The following MTUS2 variants were observed in gnomAD, a reference collection of about 807,000 sequenced individuals.
MTUS2 encodes microtubule-associated tumor suppressor candidate 2.
In MTUS2, 40 loss-of-function variants were observed where a neutral mutation model predicts 114.1. The observed-to-expected ratio is 0.35, with a 90% CI of 0.27 to 0.46. The LOEUF is 0.46. Among genes scored for constraint, MTUS2 ranks in the 20% least tolerant of loss-of-function variants. The pLI is 1.00. For missense variants in MTUS2, 1,679 were observed against 1,705.4 expected, an observed-to-expected ratio of 0.98 and a Z score of 0.27; for synonymous variants, 688 against 672.0, an observed-to-expected ratio of 1.02 and a Z score of -0.37.
At chr13:29,492,784 C>A in intron 12 of MTUS2, 65 bp downstream of exon 12, 2 of 1,276,600 alleles carry the variant, frequency 1.6e-6, no homozygotes, top group Non-Finnish European at 2.3e-6. Flanking sequence ...TTCCCACCCA[C>A]AAACATTCAT....
At chr13:29,399,537 A>G (rs1340513361) in intron 8 of MTUS2, among the ~76,000 whole-genome samples, 1 of 152,252 alleles carries the variant, frequency 6.6e-6, no homozygotes, top group East Asian at 1.9e-4. Flanking sequence ...ACTTGGAAAT[A>G]GAACTGAAAT....
chr13:28,965,288 C>G (rs1377891618), intron 2 of MTUS2, among the ~76,000 whole-genome samples: 1 of 152,132 alleles, frequency 6.6e-6, no homozygotes, highest in Non-Finnish European at 1.5e-5. Context: ...AACAAGTGGC[C>G]TCTAAGTCAC....
At chr13:28,907,112 A>G (rs535901965) in intron 2 of MTUS2, among the ~76,000 whole-genome samples, 1 of 149,774 alleles carries the variant, frequency 6.7e-6, no homozygotes, top group African/African-American at 2.4e-5. Context: ...ATTCTTAAAG[A>G]AAAGAATTTT....
intron 2 of MTUS2, among the ~76,000 whole-genome samples, chr13:28,879,144 T>G (rs1878134855): frequency 6.6e-6 from 1 of 152,188 alleles, no homozygotes; most frequent in African/African-American, 2.4e-5. Flanking sequence ...AGTGTCTGTT[T>G]GTGTCCTTTG....
In MTUS2 at chr13:29,371,992, A is replaced by AGTG. The variant is rs1871235464; in HGVS notation, c.3117+12519_3117+12520insGTG. Among the ~76,000 whole-genome samples, 2 of 27,166 alleles carry AGTG rather than the reference A, an allele frequency of 7.4e-5. 1 individual carries two copies. The highest frequency in any genetic ancestry group is 1.5e-4 in the Non-Finnish European group (2 of 13,368). 17.8% of individuals were successfully genotyped at this position (27,166 alleles called of 152,430 possible). ...TCAACCCCCGCCCCCCCCCCCACACACACACACAAGCACAAAAGGTAACTG... is the reference window on the plus strand; with the variant it reads ...TCAACCCCCGCCCCCCCCCCCACACAGTGCACACACAAGCACAAAAGGTAACTG... On this transcript the variant is annotated intron_variant, in intron 8 of 15. Coordinates refer to ENST00000612955, the MANE Select transcript of MTUS2 (RefSeq NM_001033602.4).
At chr13:29,061,542 G>A (rs1888419083) in intron 4 of MTUS2, among the ~76,000 whole-genome samples, 1 of 152,070 alleles carries the variant, frequency 6.6e-6, no homozygotes, top group Non-Finnish European at 1.5e-5. Flanking sequence ...ATATTTTGTG[G>A]GCATGTCTCC....
At chr13:29,253,067 T>C (rs1897177917) in intron 5 of MTUS2, among the ~76,000 whole-genome samples, 1 of 143,652 alleles carries the variant, frequency 7.0e-6, no homozygotes, top group Non-Finnish European at 1.5e-5. Flanking sequence ...TCTGTCATTT[T>C]ACATTTTTGG....
chr13:29,236,153 A>G lies in MTUS2; in HGVS notation c.2645-45551A>G, dbSNP rs143351472. ...CTCCTCTAATTTATTGTTATTTTTTATCTTTAAATCCATCTTTTGGCTTGT... is the reference window on the plus strand; with the variant it reads ...CTCCTCTAATTTATTGTTATTTTTTGTCTTTAAATCCATCTTTTGGCTTGT... On this transcript the variant is annotated intron_variant, in intron 5 of 15. Transcript: ENST00000612955. Among the ~76,000 whole-genome samples, 175 of 152,076 alleles carry G rather than the reference A, an allele frequency of 1.2e-3. 2 individuals carry two copies. In the East Asian group the frequency reaches 0.033, roughly 29 times the overall value.
chr13:29,440,034 A>C lies in MTUS2; in HGVS notation c.3169A>C (p.Ile1057Leu). 2 of 1,586,276 alleles carry C rather than the reference A, an allele frequency of 1.3e-6. No homozygotes were observed. The highest frequency in any genetic ancestry group is 1.8e-5 in the Admixed American group (1 of 56,116). ...EKELSIELAN[I>L]RDEVAFHTAK... ...AGAGCTGTCAATCGAACTTGCAAAC[A>C]TCAGGGATGAAGTTGGTAAGTAGGG... The change falls in exon 9 of 16, where the codon ATC (isoleucine) becomes CTC (leucine). Residue 1057 changes from isoleucine to leucine, a missense_variant. Transcript: ENST00000612955.
At chr13:29,046,089 G>A (rs1887602544) in intron 4 of MTUS2, among the ~76,000 whole-genome samples, 1 of 150,228 alleles carries the variant, frequency 6.7e-6, no homozygotes, top group Non-Finnish European at 1.5e-5. Context: ...TACTACAAAG[G>A]CCACTACTGA....
At chr13:29,273,186 A>T (rs998753668) in intron 5 of MTUS2, among the ~76,000 whole-genome samples, 3 of 152,160 alleles carry the variant, frequency 2.0e-5, no homozygotes, top group African/African-American at 7.2e-5. Flanking sequence ...TCAGACTTAC[A>T]CCTGATTCTG....
intron 4 of MTUS2, among the ~76,000 whole-genome samples, chr13:29,067,289 C>G (rs557473134): frequency 2.0e-5 from 3 of 152,136 alleles, no homozygotes; most frequent in Non-Finnish European, 4.4e-5. Context: ...GGAAACTTTC[C>G]ATCCATATTG....
rs989458826 is a variant in MTUS2 at position 28,820,479 on chromosome 13, G to C, written c.-448G>C. The C allele has an allele frequency of 6.6e-6, 1 of 152,370 alleles. No individual in the cohort carries two copies. The highest frequency in any genetic ancestry group is 1.5e-5 in the Non-Finnish European group (1 of 68,158). 9.4% of individuals were successfully genotyped at this position (152,370 alleles called of 1,614,324 possible). ...TGACCGCTTAGCGGAGTACAGACCT[G>C]TCGGTAAATAGAAAACTCGAGCTGG... On this transcript the variant is annotated 5_prime_UTR_variant, in exon 1 of 16. Transcript: ENST00000612955.
intron 2 of MTUS2, among the ~76,000 whole-genome samples, chr13:28,918,395 A>G (rs1302828147): frequency 6.6e-6 from 1 of 151,974 alleles, no homozygotes; most frequent in Non-Finnish European, 1.5e-5. Flanking sequence ...ACTCTTGCTG[A>G]ATTGACCACC....
At chr13:29,081,700 A>G (rs1025552939) in intron 4 of MTUS2, among the ~76,000 whole-genome samples, 9 of 151,864 alleles carry the variant, frequency 5.9e-5, no homozygotes, top group African/African-American at 2.2e-4. Context: ...ATGTGTAGAG[A>G]TATGTGTGAC....
Position 29,161,427 on chromosome 13 carries a change from CAT to C in MTUS2, c.2644+60462_2644+60463del, listed in dbSNP as rs981211733. ...AATTATATAATGCATAATTATATAA[CAT>C]ATATTATTATAATATATAGTATACG... On this transcript the variant is annotated intron_variant, in intron 5 of 15. Coordinates refer to ENST00000612955, the MANE Select transcript of MTUS2 (RefSeq NM_001033602.4). Among the ~76,000 whole-genome samples, 346 of 151,038 alleles carry C rather than the reference CAT, an allele frequency of 2.3e-3. 3 individuals are homozygous for C. Among genetic ancestry groups the C allele is most frequent in the Non-Finnish European group, 3.1e-3 (211 of 67,768 alleles).
chr13:29,101,022 G>C, intron 5 of MTUS2, 52 bp downstream of exon 5: 1 of 1,469,010 alleles, frequency 6.8e-7, no homozygotes, highest in East Asian at 2.5e-5. Context: ...AAACCGGCGC[G>C]CCTGTGTAAC....
intron 2 of MTUS2, among the ~76,000 whole-genome samples, chr13:28,972,913 T>C (rs1254780856): frequency 6.6e-6 from 1 of 152,180 alleles, no homozygotes; most frequent in East Asian, 1.9e-4. Context: ...CTAAATTCTT[T>C]CCCTGTGCCC....
chr13:28,857,137 C>T (rs1876683689), intron 2 of MTUS2, among the ~76,000 whole-genome samples: 1 of 152,204 alleles, frequency 6.6e-6, no homozygotes, highest in African/African-American at 2.4e-5. Flanking sequence ...ATTTAATTTA[C>T]AGTAGCTATT....
Sources: allele counts gnomAD v4.1 joint callset (sites outside exome capture counted in the v4.1 genomes callset), GRCh38; gene constraint gnomAD v4.1.1; transcripts MANE v1.5; gene names NCBI Gene and HGNC (gene_info 2026-07-23, HGNC 2026-07-21).